Variants in CCDC30 observed in about 807,000 individuals in gnomAD.
CCDC30 encodes coiled-coil domain containing 30.
CCDC30 carries 70 observed loss-of-function variants against 100.2 expected under a neutral mutation model. The observed-to-expected ratio is 0.70, with a 90% CI of 0.58 to 0.85. The LOEUF is 0.85. CCDC30 is among the 40% of genes least tolerant of loss of function. The pLI, the probability that CCDC30 is intolerant of heterozygous loss-of-function variation, is 0.00. For missense variants in CCDC30, 652 were observed against 771.2 expected (o/e 0.85, Z 1.83); for synonymous variants, 233 against 269.5 (o/e 0.86, Z 1.33).
intron 6 of CCDC30, among the ~76,000 whole-genome samples, chr1:42,503,057 G>A (rs1416042937): frequency 2.0e-5 from 3 of 152,010 alleles, no homozygotes; most frequent in Non-Finnish European, 2.9e-5. Flanking sequence ...TAATTTTTGT[G>A]ATTTTTTAGT....
intron 6 of CCDC30, 62 bp downstream of exon 9, chr1:42,545,641 G>A (rs1645113576): frequency 1.4e-6 from 2 of 1,452,092 alleles, no homozygotes; most frequent in Admixed American, 2.3e-5. Context: ...TATTTGGCTT[G>A]ATCATTATAA....
intron 11 of CCDC30, among the ~76,000 whole-genome samples, chr1:42,621,841 C>T (rs1400444843): frequency 6.6e-6 from 1 of 151,924 alleles, no homozygotes; most frequent in Non-Finnish European, 1.5e-5. Context: ...GAGTCAAGGT[C>T]TTACTATGTT....
chr1:42,600,686 G>A (rs1297419569), intron 10 of CCDC30, among the ~76,000 whole-genome samples: 1 of 152,178 alleles, frequency 6.6e-6, no homozygotes, highest in Non-Finnish European at 1.5e-5. Flanking sequence ...GAGGGGCCTT[G>A]TGGGAGGTGA....
chr1:42,655,867 C>CTTTTTTTTT (rs766715541), downstream of CCDC30, among the ~76,000 whole-genome samples: 68 of 87,282 alleles, frequency 7.8e-4, no homozygotes, highest in Non-Finnish European at 1.1e-3. Context: ...GCTGTTTTTA[C>CTTTTTTTTT]TTTTTTTTTT....
chr1:42,653,412 G>A, exon 16 of CCDC30: 11 of 1,606,788 alleles, frequency 6.8e-6, no homozygotes, highest in East Asian at 2.2e-5. Context: ...ATCCGAAGTA[G>A]TGAATGAAAT....
chr1:42,600,263 T>C (rs1398748273), intron 10 of CCDC30, among the ~76,000 whole-genome samples: 1 of 152,212 alleles, frequency 6.6e-6, no homozygotes, highest in Non-Finnish European at 1.5e-5. Context: ...CTTTAATATG[T>C]ATGTGCCTAA....
chr1:42,464,368 GA>G (rs1643501713), intron 1 of CCDC30, among the ~76,000 whole-genome samples: 1 of 152,204 alleles, frequency 6.6e-6, no homozygotes, highest in African/African-American at 2.4e-5. Context: ...TTATCAATGT[GA>G]AAAGGGCATT....
intron 6 of CCDC30, among the ~76,000 whole-genome samples, chr1:42,516,018 A>G (rs931890156): frequency 6.6e-6 from 1 of 152,218 alleles, no homozygotes; most frequent in African/African-American, 2.4e-5. Flanking sequence ...GTACAAATAC[A>G]TATTTGCATC....
At chr1:42,561,487 C>T (rs2148558307) in intron 6 of CCDC30, among the ~76,000 whole-genome samples, 1 of 152,288 alleles carries the variant, frequency 6.6e-6, no homozygotes, top group Non-Finnish European at 1.5e-5. Context: ...ATGACAAACT[C>T]ATAGCCAATA....
intron 13 of CCDC30, among the ~76,000 whole-genome samples, chr1:42,644,148 A>G (rs1647677125): frequency 6.6e-6 from 1 of 152,220 alleles, no homozygotes; most frequent in South Asian, 2.1e-4. Context: ...ATATACATAT[A>G]TATAAAGAGG....
intron 1 of CCDC30, chr1:42,473,048 C>T: frequency 8.3e-7 from 1 of 1,208,306 alleles, no homozygotes; most frequent in African/African-American, 1.6e-5. Flanking sequence ...AAGGTGGCAC[C>T]CACATAGATA....
chr1:42,457,574 AC>A, the CCDC30 span: 1 of 571,072 alleles, frequency 1.8e-6, no homozygotes, highest in East Asian at 2.9e-5. Context: ...GGAGGTATGT[AC>A]AAAGTGCAGT....
At chr1:42,475,475 A>T (rs1643872411) in intron 1 of CCDC30, among the ~76,000 whole-genome samples, 1 of 152,164 alleles carries the variant, frequency 6.6e-6, no homozygotes, top group Non-Finnish European at 1.5e-5. Context: ...AAGAGCTCCA[A>T]CTCAAACAGA....
At position 42,550,448 on chromosome 1, in the gene CCDC30, A is replaced by G. The variant is rs545177289; in HGVS notation, c.457-15848A>G. ...AAAATCTAAACCATTACCATGACCC[A>G]TAAGGCCCTCCATGACTTGGCCTCT... On this transcript the variant is annotated intron_variant, in intron 6 of 16. Coordinates refer to ENST00000668663, the Ensembl canonical transcript of CCDC30. Among the ~76,000 whole-genome samples, 51 of 152,280 alleles carry G rather than the reference A, an allele frequency of 3.3e-4. No homozygotes were observed. In the South Asian group the frequency reaches 3.5e-3, roughly 11 times the overall value.
chr1:42,482,182 C>T (rs1392676737), intron 2 of CCDC30, among the ~76,000 whole-genome samples: 1 of 147,794 alleles, frequency 6.8e-6, no homozygotes, highest in Admixed American at 6.8e-5. Flanking sequence ...GAGACTGTGC[C>T]ATTGCCCTCT....
chr1:42,484,464 C>T (rs553352176), intron 3 of CCDC30, among the ~76,000 whole-genome samples: 5 of 152,170 alleles, frequency 3.3e-5, no homozygotes, highest in Non-Finnish European at 7.4e-5. Context: ...CACAACAGAA[C>T]ACAATCACAT....
At position 42,581,252 on chromosome 1, in the gene CCDC30, A is replaced by T. The variant is rs567717323; in HGVS notation, c.847-108A>T. The T allele has an allele frequency of 2.1e-5, 17 of 812,562 alleles. No individual in the cohort carries two copies. In the East Asian group the frequency reaches 4.2e-4, roughly 20 times the overall value. The allele number at this position is 812,562 out of a possible 1,614,324, so 50.3% of individuals were successfully genotyped here. ...AGCTACTCTTTTTACTTCAGGTCAG[A>T]TTAATATGTTAGCACTGCTATGTTT... On this transcript the variant is annotated intron_variant, in intron 8 of 16. Coordinates refer to ENST00000668663, the Ensembl canonical transcript of CCDC30.
At chr1:42,539,232 A>G in intron 6 of CCDC30, 2 of 1,610,596 alleles carry the variant, frequency 1.2e-6, no homozygotes, top group Non-Finnish European at 1.7e-6. Context: ...ACAATCTTCC[A>G]GGGGAATCAG....
chr1:42,589,598 G>A, intron 10 of CCDC30, 115 bp downstream of exon 14: 1 of 891,060 alleles, frequency 1.1e-6, no homozygotes, highest in Non-Finnish European at 1.8e-6. Context: ...GGTTCAGTCA[G>A]GAAAGTAGAA....
Sources: gnomAD v4.1 joint callset for allele counts (sites outside exome capture counted in the v4.1 genomes callset) on GRCh38, gnomAD v4.1.1 for gene constraint, MANE v1.5 for transcripts, NCBI Gene and HGNC (gene_info 2026-07-23, HGNC 2026-07-21) for gene names.